Variants in RIF1 observed in about 807,000 individuals in gnomAD.
RIF1 encodes telomere-associated protein RIF1.
RIF1 carries 45 observed loss-of-function variants against 247.1 expected under a neutral mutation model. That is an observed-to-expected ratio of 0.18 (90% CI 0.14 to 0.23). RIF1 has a LOEUF of 0.23. RIF1 is among the 10% of genes least tolerant of loss of function. The pLI is 1.00. For synonymous variants in RIF1, 1,087 were observed against 978.8 expected (o/e 1.11, Z -2.06); for missense variants, 2,967 against 2,862.5 (o/e 1.04, Z -0.83).
intron 23 of RIF1, 118 bp from the exon 24 acceptor site, chr2:151,457,643 A>T: frequency 1.5e-6 from 1 of 674,662 alleles, no homozygotes. Context: ...ATATATATTT[A>T]AGGCAACAGT....
the RIF1 span, among the ~76,000 whole-genome samples, chr2:151,515,666 CTCTACTTT>C: frequency 1.3e-5 from 2 of 152,182 alleles, no homozygotes; most frequent in Admixed American, 6.5e-5. Flanking sequence ...GATGTTGGAA[CTCTACTTT>C]TGTAATTTTG....
Position 151,436,877 on chromosome 2 carries a change from T to A in RIF1, c.1246T>A (p.Ser416Thr), listed in dbSNP as rs749673407. 6.2e-7 allele frequency: 1 copy of A among 1,613,590 alleles called. No individual in the cohort carries two copies. The highest frequency in any genetic ancestry group is 1.1e-5 in the South Asian group (1 of 90,986). Residue 416 changes from serine (S) to threonine (T), a missense_variant, in exon 12 of 36, where the codon TCG becomes ACG. Physicochemically the swap from Ser to Thr is moderately conservative, Grantham distance 58 (BLOSUM62 1). This residue lies in a region of RIF1 where 369 missense variants were observed against 322.0 expected (regional missense o/e 1.15). Transcript: ENST00000444746. ...GGGAACTCCCCGAATGAACCTGAGT[T>A]CGAATTTAGGTGGAATGGCCACAAT... ...APGTPRMNLS[S>T]NLGGMATIPS...
chr2:151,424,825 A>ATTTTTTTTTTTT lies in RIF1; in HGVS notation c.786+1803_786+1814dup, dbSNP rs71000475. ...CTGGGACTACCACCCAGCCCGGCTG[A>ATTTTTTTTTTTT]TTTTTTTTTTTTTTTTTTTTTTTTT... On this transcript the variant is annotated intron_variant, in intron 8 of 35. Coordinates refer to ENST00000444746, the MANE Select transcript of RIF1 (RefSeq NM_018151.5). 8.5e-5 allele frequency among the ~76,000 whole-genome samples: 4 copies of ATTTTTTTTTTTT among 47,272 alleles called. 1 individual carries two copies. Among genetic ancestry groups the ATTTTTTTTTTTT allele is most frequent in the African/African-American group, 2.4e-4 (3 of 12,458 alleles). 31.0% of individuals were successfully genotyped at this position (47,272 alleles called of 152,430 possible). A position where few individuals can be genotyped will look rare whatever the true frequency, so the allele number is the denominator to read the frequency against.
At chr2:151,473,090 T>C (rs1334695684) in intron 34 of RIF1, among the ~76,000 whole-genome samples, 2 of 152,148 alleles carry the variant, frequency 1.3e-5, no homozygotes, top group African/African-American at 4.8e-5. Context: ...TTTCCACCAT[T>C]TGCTATTACG....
chr2:151,490,166 C>T, intron 9 of RIF1: 1 of 1,214,268 alleles, frequency 8.2e-7, no homozygotes, highest in Non-Finnish European at 1.2e-6. Context: ...TGTCTTTTTC[C>T]CCCAACTTAG....
chr2:151,414,750 AATC>A (rs1686901935), intron 3 of RIF1, 70 bp from the exon 4 acceptor site: 1 of 981,934 alleles, frequency 1.0e-6, no homozygotes, highest in Non-Finnish European at 1.6e-6. Context: ...CTTGTTCTGT[AATC>A]AACTTCTGCT....
chr2:151,460,999 T>G, intron 26 of RIF1, 139 bp from the exon 27 acceptor site: 1 of 747,254 alleles, frequency 1.3e-6, no homozygotes. Context: ...ATTGTACTAA[T>G]TTGTTACGGA....
chr2:151,492,147 C>T lies in RIF1; in HGVS notation c.*416-3082C>T. On this transcript the variant is annotated intron_variant and NMD_transcript_variant, in intron 9 of 13. Coordinates refer to the RIF1 transcript ENST00000454583. The stretch of plus-strand genomic sequence containing the variant: ...CATTCCGTTTTTGTTCCATTTCTAC[C>T]ACTTTCCTCTGAATACCTCGGTAGT... The T allele has an allele frequency of 1.2e-6, 2 of 1,613,914 alleles. No homozygotes were observed. Among genetic ancestry groups the T allele is most frequent in the Admixed American group, 1.7e-5 (1 of 60,016 alleles).
the RIF1 span, among the ~76,000 whole-genome samples, chr2:151,515,672 T>C: frequency 3.3e-5 from 5 of 152,218 alleles, no homozygotes; most frequent in Non-Finnish European, 7.3e-5. Flanking sequence ...GGAACTCTAC[T>C]TTTGTAATTT....
chr2:151,418,744 C>G (rs547324665), intron 6 of RIF1, among the ~76,000 whole-genome samples: 42 of 152,010 alleles, frequency 2.8e-4, no homozygotes, highest in Non-Finnish European at 5.4e-4. Flanking sequence ...CGTGGTGACG[C>G]GTGCCTGTAA....
rs1379640058 is a variant in RIF1 at position 151,461,191 on chromosome 2, G to A, written c.3129G>A (p.Glu1043=). 1.9e-6 allele frequency: 3 copies of A among 1,612,796 alleles called. No individual in the cohort carries two copies. Among genetic ancestry groups the A allele is most frequent in the Non-Finnish European group, 2.5e-6 (3 of 1,179,250 alleles). ...LKVKGEILLE[E]EKSTDFVFIP... is the part of the protein sequence containing the mutation. ...TAAAGGGTGAAATTCTTTTGGAAGA[G>A]GAAAAGTCTACTGACTTTGTGTTTA... The change falls in exon 27 of 36, where the codon GAG becomes GAA. Residue 1043 remains glutamate, a synonymous_variant. Transcript: ENST00000444746.
chr2:151,514,397 A>T, the RIF1 span: 2 of 1,613,610 alleles, frequency 1.2e-6, no homozygotes, highest in Non-Finnish European at 1.7e-6. Flanking sequence ...CTTCCCACGG[A>T]TGCTTTCCTC....
chr2:151,501,562 A>AAAG, intron 11 of RIF1: 1 of 717,732 alleles, frequency 1.4e-6, no homozygotes, highest in African/African-American at 1.8e-5. Context: ...AAACAGCCTA[A>AAAG]AAGAAGTATT....
At chr2:151,499,408 G>A in exon 11 of RIF1, 1 of 1,439,744 alleles carries the variant, frequency 6.9e-7, no homozygotes, top group Non-Finnish European at 9.5e-7. Flanking sequence ...ACACAAGAAA[G>A]CATCCAGAAA....
chr2:151,482,726 T>C (rs1160281313), downstream of RIF1, among the ~76,000 whole-genome samples: 1 of 152,194 alleles, frequency 6.6e-6, no homozygotes, highest in Non-Finnish European at 1.5e-5. Flanking sequence ...ATTAGTTTCC[T>C]AGGGCTGCTG....
At chr2:151,519,130 A>G in the RIF1 span, 6 of 1,078,772 alleles carry the variant, frequency 5.6e-6, no homozygotes, top group Non-Finnish European at 8.5e-6. Flanking sequence ...GCACTAATGG[A>G]AATCAAAGTG....
chr2:151,514,580 G>C, the RIF1 span, among the ~76,000 whole-genome samples: 1 of 152,210 alleles, frequency 6.6e-6, no homozygotes, highest in Non-Finnish European at 1.5e-5. Context: ...AGCATGATCA[G>C]TTAACATTAA....
In RIF1 at chr2:151,441,997, T is replaced by C. The variant is rs774344974; in HGVS notation, c.1734+6T>C. 2 of 1,314,430 alleles carry C rather than the reference T, an allele frequency of 1.5e-6. No homozygotes were observed. Among genetic ancestry groups the C allele is most frequent in the South Asian group, 2.9e-5 (2 of 70,146 alleles). The allele number at this position is 1,314,430 out of a possible 1,614,324, so 81.4% of individuals were successfully genotyped here. A position where few individuals can be genotyped will look rare whatever the true frequency, so the allele number is the denominator to read the frequency against. ...CTAATATGGATATTCTTAATGCAAG[T>C]ATCTTAAATGTAATATGATGAAGAT... is the stretch of plus-strand genomic sequence containing the variant. On this transcript the variant is annotated splice_donor_region_variant and intron_variant, in intron 16 of 35. Coordinates refer to ENST00000444746, the MANE Select transcript of RIF1 (RefSeq NM_018151.5).
intron 9 of RIF1, chr2:151,493,426 A>T: frequency 6.2e-7 from 1 of 1,605,464 alleles, no homozygotes; most frequent in Non-Finnish European, 8.5e-7. Context: ...TGCTTTTCTC[A>T]TGTTCTCTTT....
Sources: gnomAD v4.1 joint callset for allele counts (sites outside exome capture counted in the v4.1 genomes callset) on GRCh38, gnomAD v4.1.1 for gene constraint, gnomAD v4.1.1 regional missense constraint, MANE v1.5 for transcripts, NCBI Gene and HGNC (gene_info 2026-07-23, HGNC 2026-07-21) for gene names.